Variants in DCX observed in about 807,000 individuals in gnomAD.
The protein encoded by DCX is neuronal migration protein doublecortin.
Under a neutral mutation model 20.9 loss-of-function variants are expected in DCX, and 4 were observed. The observed-to-expected ratio is 0.19, with a 90% confidence interval of 0.09 to 0.44. DCX has a LOEUF of 0.44. Ranked by LOEUF, DCX falls within the 20% of genes least tolerant of loss-of-function variation. The probability of loss-of-function intolerance (pLI) is 0.99; values close to 1 mark genes in which losing one functional copy is unlikely to be tolerated. For missense variants in DCX, 133 were observed against 296.9 expected (o/e 0.45, Z 4.06); for synonymous variants, 103 against 111.4 (o/e 0.92, Z 0.47).
At chrX:111,316,086 TAAAAAAA>T (rs754058802) in intron 5 of DCX, among the ~76,000 whole-genome samples, 32 of 50,628 alleles carry the variant, frequency 6.3e-4, no homozygotes, top group Admixed American at 3.3e-3. Context: ...TAATAAAAAA[TAAAAAAA>T]AAAAAAAAAA....
intron 5 of DCX, 48 bp downstream of exon 5, chrX:111,330,856 T>C: frequency 8.3e-7 from 1 of 1,206,003 alleles, no homozygotes; most frequent in African/African-American, 1.7e-5. Context: ...GAAAGTATTG[T>C]CCTCCATAAA....
rs1424295506 is a variant in DCX, at chrX:111,295,054, G to A, written c.*6633C>T. 8.9e-6 allele frequency: 1 copy of A among 112,929 alleles called. No individual in the cohort carries two copies. The highest frequency in any genetic ancestry group is 3.2e-5 in the African/African-American group (1 of 31,022). 9.3% of individuals were successfully genotyped at this position (112,929 alleles called of 1,213,427 possible). A position where few individuals can be genotyped will look rare whatever the true frequency, so the allele number is the denominator to read the frequency against. ...AAATTCAATAAAACATGCATTAGTT[G>A]TATACAAGTCATAAGGGATCATTGG... On this transcript the variant is annotated 3_prime_UTR_variant, in exon 7 of 7. Transcript: ENST00000636035.
intron 6 of DCX, among the ~76,000 whole-genome samples, chrX:111,304,045 A>G (rs2095039794): frequency 8.9e-6 from 1 of 112,193 alleles, no homozygotes; most frequent in Admixed American, 9.4e-5. Context: ...ACTACCAAAC[A>G]AAAGTTTCTT....
intron 3 of DCX, among the ~76,000 whole-genome samples, chrX:111,341,052 A>G (rs1389490032): frequency 9.0e-6 from 1 of 111,181 alleles, no homozygotes; most frequent in African/African-American, 3.3e-5. Context: ...AGGCTTCAGA[A>G]GATGGGTAAT....
In DCX at chrX:111,354,923, G is replaced by A. The variant is rs771869182; in HGVS notation, c.706-21770C>T. Among the ~76,000 whole-genome samples the A allele has an allele frequency of 7.1e-5, 8 of 112,303 alleles. No individual in the cohort carries two copies. The South Asian group carries it at 3.0e-3, about 42-fold the overall frequency. ...GCCAGAGGGAAAGGAACCTTAGCTGGACAGAACTTGCATGATGAGATTTCC... is the reference window on the plus strand; with the variant it reads ...GCCAGAGGGAAAGGAACCTTAGCTGAACAGAACTTGCATGATGAGATTTCC... On this transcript the variant is annotated intron_variant, in intron 3 of 6. Coordinates refer to ENST00000636035, the MANE Select transcript of DCX (RefSeq NM_001195553.2).
At chrX:111,332,139 A>G (rs754330957) in intron 4 of DCX, among the ~76,000 whole-genome samples, 1 of 112,717 alleles carries the variant, frequency 8.9e-6, no homozygotes, top group African/African-American at 3.2e-5. Flanking sequence ...AACTGAGTTA[A>G]GCAGAAAGCC....
chrX:111,302,301 A>G (rs183858747), intron 6 of DCX, among the ~76,000 whole-genome samples: 100 of 112,088 alleles, frequency 8.9e-4, no homozygotes, highest in Middle Eastern at 4.6e-3. Context: ...TTGCTTCTTT[A>G]TATTGCTGGT....
At chrX:111,407,620 C>T (rs1928302525) in intron 2 of DCX, among the ~76,000 whole-genome samples, 1 of 111,591 alleles carries the variant, frequency 9.0e-6, no homozygotes, top group Admixed American at 9.6e-5. Flanking sequence ...TCACACTTCA[C>T]ATAGTCCAGG....
intron 3 of DCX, among the ~76,000 whole-genome samples, chrX:111,390,212 T>A (rs910604014): frequency 2.7e-5 from 3 of 111,767 alleles, no homozygotes; most frequent in African/African-American, 9.8e-5. Context: ...ATTTCTCAGC[T>A]GACATCTAAG....
chrX:111,328,344 C>T (rs2095104402), intron 5 of DCX, among the ~76,000 whole-genome samples: 1 of 111,415 alleles, frequency 9.0e-6, no homozygotes, highest in African/African-American at 3.3e-5. Flanking sequence ...CACGTTATAT[C>T]TCTGATATTT....
At chrX:111,327,089 GA>G (rs1323680633) in intron 5 of DCX, among the ~76,000 whole-genome samples, 1 of 112,167 alleles carries the variant, frequency 8.9e-6, no homozygotes, top group Non-Finnish European at 1.9e-5. Flanking sequence ...CATTTGGTTA[GA>G]ATTCCTGCTA....
chrX:111,301,644 A>G lies in DCX; in HGVS notation c.*43T>C. The G allele has an allele frequency of 8.5e-7, 1 of 1,176,684 alleles. No individual in the cohort carries two copies. The highest frequency in any genetic ancestry group is 1.2e-6 in the Non-Finnish European group (1 of 863,352). On this transcript the variant is annotated 3_prime_UTR_variant, in exon 7 of 7. Transcript: ENST00000636035. ...AGCAGAAGTACCCTACTACAATGAT[A>G]GGCTTGGATTTGTACTCTGGACTCT...
intron 3 of DCX, among the ~76,000 whole-genome samples, chrX:111,379,228 C>T (rs1157182599): frequency 8.1e-5 from 9 of 111,713 alleles, no homozygotes; most frequent in Non-Finnish European, 1.5e-4. Context: ...AATTTATATA[C>T]CACGCAATTC....
At chrX:111,312,827 T>G (rs987650615) in intron 5 of DCX, 91 bp from the exon 6 acceptor site, 1 of 863,677 alleles carries the variant, frequency 1.2e-6, no homozygotes, top group African/African-American at 2.0e-5. Context: ...CTAAGAACAT[T>G]CAAACAAGGT....
At chrX:111,304,439 C>A (rs1305466037) in intron 6 of DCX, among the ~76,000 whole-genome samples, 1 of 111,549 alleles carries the variant, frequency 9.0e-6, no homozygotes, top group Non-Finnish European at 1.9e-5. Context: ...TCCATTTTTC[C>A]TCTCCCCAGC....
At chrX:111,333,407 A>T (rs1216607862) in intron 3 of DCX, among the ~76,000 whole-genome samples, 2 of 111,403 alleles carry the variant, frequency 1.8e-5, no homozygotes, top group East Asian at 5.7e-4. Context: ...GACTGAGACC[A>T]TGTCCAAATG....
At chrX:111,375,962 T>C (rs1201169017) in intron 3 of DCX, among the ~76,000 whole-genome samples, 2 of 112,174 alleles carry the variant, frequency 1.8e-5, no homozygotes, top group Non-Finnish European at 3.8e-5. Flanking sequence ...CACTATCAGA[T>C]GCCAGCTATT....
intron 3 of DCX, among the ~76,000 whole-genome samples, chrX:111,361,134 A>G (rs1404301358): frequency 8.9e-6 from 1 of 112,297 alleles, no homozygotes; most frequent in African/African-American, 3.2e-5. Context: ...ATATCAGTGT[A>G]CAGAAAAGTG....
At chrX:111,305,308 T>C (rs2095042706) in intron 6 of DCX, among the ~76,000 whole-genome samples, 1 of 112,257 alleles carries the variant, frequency 8.9e-6, no homozygotes, top group African/African-American at 3.2e-5. Context: ...ACTCTTTTCT[T>C]CTTTTTTAAA....
Sources: allele counts gnomAD v4.1 joint callset (sites outside exome capture counted in the v4.1 genomes callset), GRCh38; gene constraint gnomAD v4.1.1; transcripts MANE v1.5; gene names NCBI Gene and HGNC (gene_info 2026-07-23, HGNC 2026-07-21).